Variants in SNX4 observed in about 807,000 individuals in gnomAD.
SNX4 encodes the protein sorting nexin 4, also known as sorting nexin-4.
SNX4 carries 49 observed loss-of-function variants against 70.8 expected under a neutral mutation model. The ratio of observed to expected loss-of-function variants is 0.69; its 90% CI spans 0.55 to 0.88. The LOEUF (loss-of-function observed/expected upper bound fraction) is 0.88, where lower values mean the gene tolerates loss of function less well. Ranked by LOEUF, SNX4 falls within the 40% of genes least tolerant of loss-of-function variation. The pLI, the probability that SNX4 is intolerant of heterozygous loss-of-function variation, is 0.00. For synonymous variants in SNX4, 206 were observed against 183.8 expected, an observed-to-expected ratio of 1.12 and a Z score of -0.98; for missense variants, 528 against 544.8, an observed-to-expected ratio of 0.97 and a Z score of 0.31.
intron 13 of SNX4, among the ~76,000 whole-genome samples, chr3:125,450,206 A>G (rs1933540087): frequency 6.6e-6 from 1 of 152,224 alleles, no homozygotes; most frequent in Non-Finnish European, 1.5e-5. Context: ...CAACATACTC[A>G]ACCTTTAGCA....
chr3:125,502,180 C>CA (rs532610758), intron 2 of SNX4, among the ~76,000 whole-genome samples: 48 of 151,908 alleles, frequency 3.2e-4, no homozygotes, highest in African/African-American at 1.1e-3. Context: ...ACTTAAAAAA[C>CA]AAAAAAACAG....
intron 1 of SNX4, 44 bp downstream of exon 1, chr3:125,519,984 CTAGG>C: frequency 2.2e-6 from 3 of 1,393,238 alleles, no homozygotes; most frequent in Non-Finnish European, 1.9e-6. Flanking sequence ...GCCCGGCCCG[CTAGG>C]CCACCACACA....
Position 125,498,161 on chromosome 3 carries a change from T to C in SNX4, c.297A>G (p.Leu99=). 1.2e-6 allele frequency: 2 copies of C among 1,614,096 alleles called. No homozygotes were observed. The highest frequency in any genetic ancestry group is 1.7e-6 in the Non-Finnish European group (2 of 1,179,956). The change falls in exon 3 of 14, where the codon CTA becomes CTG. Residue 99 remains leucine (L), a synonymous_variant. Transcript: ENST00000251775. ...SVEHTDGQSV[L]TDSLWRRYSE... is the part of the protein sequence containing the mutation. Reference sequence around the variant, plus strand: ...TATATCGCCGCCATAGTGAGTCTGTTAGGACACTCTGACCATCGGTATGTT... The same window carrying C: ...TATATCGCCGCCATAGTGAGTCTGTCAGGACACTCTGACCATCGGTATGTT...
At chr3:125,453,998 G>GCATACA (rs758535009) in intron 11 of SNX4, 43 bp from the exon 12 acceptor site, 22 of 1,544,492 alleles carry the variant, frequency 1.4e-5, no homozygotes, top group South Asian at 2.3e-5. Context: ...ACAAAATGCG[G>GCATACA]CATACACATA....
chr3:125,464,395 T>A (rs1933955412), intron 9 of SNX4, among the ~76,000 whole-genome samples: 1 of 152,018 alleles, frequency 6.6e-6, no homozygotes, highest in African/African-American at 2.4e-5. Flanking sequence ...TTTACAATTA[T>A]GTGTATGAGC....
At chr3:125,500,989 T>C (rs1055684868) in intron 2 of SNX4, among the ~76,000 whole-genome samples, 1 of 151,540 alleles carries the variant, frequency 6.6e-6, no homozygotes, top group Non-Finnish European at 1.5e-5. Flanking sequence ...GGTAGGTAGG[T>C]AGGTAAGCTA....
intron 8 of SNX4, among the ~76,000 whole-genome samples, chr3:125,471,702 TA>T: frequency 6.6e-6 from 1 of 152,228 alleles, no homozygotes; most frequent in Non-Finnish European, 1.5e-5. Flanking sequence ...AATGCATAGT[TA>T]CTGGTACTTA....
At chr3:125,453,064 G>A (rs2107839723) in intron 12 of SNX4, among the ~76,000 whole-genome samples, 1 of 152,266 alleles carries the variant, frequency 6.6e-6, no homozygotes, top group Middle Eastern at 3.4e-3. Context: ...TAAGAAAAAT[G>A]AGTCAAACAG....
At chr3:125,472,554 A>C (rs1934199970) in intron 8 of SNX4, among the ~76,000 whole-genome samples, 1 of 152,226 alleles carries the variant, frequency 6.6e-6, no homozygotes, top group Non-Finnish European at 1.5e-5. Context: ...TAAAGTATCC[A>C]TACAATGTAG....
chr3:125,479,294 C>G (rs763555204), intron 7 of SNX4, among the ~76,000 whole-genome samples: 34 of 152,152 alleles, frequency 2.2e-4, no homozygotes, highest in Non-Finnish European at 4.7e-4. Context: ...TGACTCATGA[C>G]TATAATCCCA....
At chr3:125,451,447 T>C (rs774577363) in intron 12 of SNX4, 28 bp from the exon 13 acceptor site, 10 of 1,501,802 alleles carry the variant, frequency 6.7e-6, no homozygotes, top group South Asian at 4.6e-5. Flanking sequence ...GCCATTATTA[T>C]TATTTAAGTT....
intron 8 of SNX4, among the ~76,000 whole-genome samples, chr3:125,472,284 T>G (rs1395359189): frequency 6.6e-6 from 1 of 152,192 alleles, no homozygotes; most frequent in African/African-American, 2.4e-5. Context: ...TTTTTCCGAT[T>G]ATGTGGCCCC....
intron 12 of SNX4, among the ~76,000 whole-genome samples, chr3:125,452,235 CA>C (rs948514797): frequency 9.9e-5 from 15 of 151,776 alleles, no homozygotes; most frequent in Admixed American, 2.0e-4. Context: ...GCTGGGATTA[CA>C]GGCACACGCC....
At chr3:125,454,130 T>G (rs1316757121) in intron 11 of SNX4, among the ~76,000 whole-genome samples, 175 bp from the exon 12 acceptor site, 1 of 152,214 alleles carries the variant, frequency 6.6e-6, no homozygotes, top group Non-Finnish European at 1.5e-5. Flanking sequence ...AGACAAATAC[T>G]GTATGATTCC....
chr3:125,464,066 T>C (rs1042485495), intron 9 of SNX4, among the ~76,000 whole-genome samples: 73 of 152,236 alleles, frequency 4.8e-4, no homozygotes, highest in African/African-American at 1.6e-3. Flanking sequence ...TTTTAAAAAA[T>C]AGTAAAACAT....
At chr3:125,497,281 G>T in intron 5 of SNX4, 60 bp downstream of exon 5, 1 of 1,016,466 alleles carries the variant, frequency 9.8e-7, no homozygotes, top group Non-Finnish European at 1.5e-6. Flanking sequence ...CCCAATGAGT[G>T]CATGGCACCA....
At chr3:125,461,650 C>T (rs1286732975) in intron 9 of SNX4, among the ~76,000 whole-genome samples, 2 of 151,450 alleles carry the variant, frequency 1.3e-5, no homozygotes, top group Admixed American at 6.6e-5. Flanking sequence ...ATTTTAGAAG[C>T]TTATTTTATA....
At chr3:125,455,784 C>T (rs547216366) in intron 11 of SNX4, among the ~76,000 whole-genome samples, 69 of 152,126 alleles carry the variant, frequency 4.5e-4, no homozygotes, top group African/African-American at 1.5e-3. Context: ...GTGGCCGAGG[C>T]GGGCGGATCA....
At chr3:125,513,040 T>C (rs978953955) in intron 1 of SNX4, among the ~76,000 whole-genome samples, 3 of 152,182 alleles carry the variant, frequency 2.0e-5, no homozygotes, top group Non-Finnish European at 2.9e-5. Context: ...ACAGAGATAA[T>C]AGTACCTGCA....
Sources: allele counts gnomAD v4.1 joint callset (sites outside exome capture counted in the v4.1 genomes callset), GRCh38; gene constraint gnomAD v4.1.1; transcripts MANE v1.5; gene names NCBI Gene and HGNC (gene_info 2026-07-23, HGNC 2026-07-21).